Variants in UBAP2 observed in about 807,000 individuals in gnomAD.
UBAP2 encodes ubiquitin associated protein 2.
UBAP2 carries 75 observed loss-of-function variants against 139.6 expected under a neutral mutation model. The observed-to-expected ratio is 0.54, with a 90% CI of 0.45 to 0.65. The LOEUF is 0.65. UBAP2 is among the 30% of genes least tolerant of loss of function. The pLI is 0.00. For missense variants in UBAP2, 1,368 were observed against 1,369.6 expected (o/e 1.00, Z 0.02); for synonymous variants, 526 against 526.2 (o/e 1.00, Z 0.01).
intron 6 of UBAP2, among the ~76,000 whole-genome samples, chr9:33,983,166 C>T (rs535344425): frequency 1.3e-4 from 20 of 152,188 alleles, no homozygotes; most frequent in African/African-American, 4.8e-4. Context: ...ATGTGAGCCA[C>T]GGTGCCCGGC....
chr9:34,005,614 CAG>C (rs1161466065), intron 2 of UBAP2, among the ~76,000 whole-genome samples: 2 of 151,042 alleles, frequency 1.3e-5, no homozygotes, highest in African/African-American at 4.9e-5. Flanking sequence ...TCAAGAATAA[CAG>C]AGAATAAAAC....
At chr9:34,047,001 T>C (rs1490536503) in intron 1 of UBAP2, among the ~76,000 whole-genome samples, 1 of 151,982 alleles carries the variant, frequency 6.6e-6, no homozygotes, top group Non-Finnish European at 1.5e-5. Flanking sequence ...CCAGCCCACA[T>C]TTAAAGGGAG....
At position 33,924,188 on chromosome 9, in the gene UBAP2, T is replaced by C. The variant is rs755083012; in HGVS notation, c.2590+18A>G. On this transcript the variant is annotated intron_variant, in intron 23 of 28. Coordinates refer to ENST00000379238, the MANE Select transcript of UBAP2 (RefSeq NM_001370062.2). ...TAGGCCGGCCCCGGGCTACTCCTCA[T>C]CCATTGAGCAAACTCACCTGGATAT... The C allele has an allele frequency of 6.2e-7, 1 of 1,613,616 alleles. No individual in the cohort carries two copies. The highest frequency in any genetic ancestry group is 1.1e-5 in the South Asian group (1 of 91,072).
At position 33,942,585 on chromosome 9, in the gene UBAP2, C is replaced by T. The variant is rs1317722719; in HGVS notation, c.1716-723G>A. ...TCTACAAAACATATTTAAAAATTAG[C>T]TGGGCATGGTGGTGCACGCCTGTAA... On this transcript the variant is annotated intron_variant, in intron 15 of 28. Transcript: ENST00000379238. Among the ~76,000 whole-genome samples, 4 of 151,928 alleles carry T rather than the reference C, an allele frequency of 2.6e-5. No homozygotes were observed. In the East Asian group the frequency reaches 5.8e-4, roughly 22 times the overall value.
intron 8 of UBAP2, among the ~76,000 whole-genome samples, chr9:33,966,014 C>A (rs560254936): frequency 6.6e-6 from 1 of 151,494 alleles, no homozygotes; most frequent in Non-Finnish European, 1.5e-5. Context: ...CGTGCCACTG[C>A]GCTCCAGCCT....
At chr9:33,928,073 C>A in intron 19 of UBAP2, 81 bp from the exon 20 acceptor site, 1 of 1,449,242 alleles carries the variant, frequency 6.9e-7, no homozygotes, top group Non-Finnish European at 9.3e-7. Context: ...GGCGCTTGGG[C>A]CCAAGTCTCA....
rs1339945997 is a variant in UBAP2 at position 33,985,306 on chromosome 9, G to A, written c.520+1454C>T. Among the ~76,000 whole-genome samples the A allele has an allele frequency of 5.3e-5, 8 of 152,100 alleles. No individual in the cohort carries two copies. The East Asian group carries it at 7.7e-4, about 15-fold the overall frequency. On this transcript the variant is annotated intron_variant, in intron 6 of 28. Coordinates refer to ENST00000379238, the MANE Select transcript of UBAP2 (RefSeq NM_001370062.2). ...TCAAGTTGAGGTATTTAGGATATCC[G>A]TTACCATGAGCATTTATCATTTCTA...
intron 2 of UBAP2, among the ~76,000 whole-genome samples, chr9:33,999,293 G>T (rs535910740): frequency 8.7e-5 from 13 of 149,426 alleles, no homozygotes; most frequent in Admixed American, 6.1e-4. Context: ...AACATAGAGA[G>T]ACCCTGTCTC....
At chr9:34,005,852 T>C (rs570724332) in intron 2 of UBAP2, among the ~76,000 whole-genome samples, 82 of 152,216 alleles carry the variant, frequency 5.4e-4, no homozygotes, top group Non-Finnish European at 9.7e-4. Flanking sequence ...AATGCATAAA[T>C]ATGTCAATGA....
intron 13 of UBAP2, among the ~76,000 whole-genome samples, chr9:33,945,141 TAA>T (rs11380272): frequency 2.1e-5 from 3 of 143,386 alleles, no homozygotes. Context: ...ATCCAAAAAT[TAA>T]AAAAAAAAAA....
intron 4 of UBAP2, among the ~76,000 whole-genome samples, chr9:33,989,463 A>G (rs1036096579): frequency 2.0e-5 from 3 of 152,054 alleles, no homozygotes; most frequent in African/African-American, 7.2e-5. Flanking sequence ...GGCCTCCCAA[A>G]GTGCTGGGAT....
intron 1 of UBAP2, among the ~76,000 whole-genome samples, chr9:34,018,660 G>A (rs1374914895): frequency 2.0e-5 from 3 of 152,084 alleles, no homozygotes; most frequent in South Asian, 2.1e-4. Context: ...TCAGGAGATC[G>A]AGACCATCCT....
chr9:34,019,240 T>TA (rs1178917862), intron 1 of UBAP2, among the ~76,000 whole-genome samples: 3 of 151,854 alleles, frequency 2.0e-5, no homozygotes, highest in Non-Finnish European at 4.4e-5. Context: ...CCGTCTCTAC[T>TA]AAAAATACAA....
chr9:33,926,874 G>T, intron 21 of UBAP2, 115 bp downstream of exon 21: 1 of 1,104,138 alleles, frequency 9.1e-7, no homozygotes. Flanking sequence ...GGGGTGCTCA[G>T]GGATGGAAGG....
In UBAP2 at chr9:33,929,910, A is replaced by C. The variant is rs188899109; in HGVS notation, c.2176-1918T>G. 4.7e-3 allele frequency among the ~76,000 whole-genome samples: 717 copies of C among 152,340 alleles called. 2 individuals carry two copies. Among genetic ancestry groups the C allele is most frequent in the Middle Eastern group, 0.017 (5 of 294 alleles). On this transcript the variant is annotated intron_variant, in intron 19 of 28. Coordinates refer to ENST00000379238, the MANE Select transcript of UBAP2 (RefSeq NM_001370062.2). ...TCCCAGCTACTAGGGAGGCTGAGGCAGGAGAACTGCTTGAACCTGGGAGGT... is the reference window on the plus strand; with the variant it reads ...TCCCAGCTACTAGGGAGGCTGAGGCCGGAGAACTGCTTGAACCTGGGAGGT...
At chr9:34,043,990 C>T (rs575807761) in intron 1 of UBAP2, among the ~76,000 whole-genome samples, 2 of 149,194 alleles carry the variant, frequency 1.3e-5, no homozygotes, top group South Asian at 2.1e-4. Flanking sequence ...TATCAGAGCA[C>T]GGTGGCAGGC....
At chr9:34,044,342 A>C (rs1033126515) in intron 1 of UBAP2, among the ~76,000 whole-genome samples, 2 of 151,782 alleles carry the variant, frequency 1.3e-5, no homozygotes, top group Non-Finnish European at 2.9e-5. Flanking sequence ...CGGAGTTTGC[A>C]GTGAGCCGAG....
intron 1 of UBAP2, among the ~76,000 whole-genome samples, chr9:34,017,954 T>A (rs939545077): frequency 6.6e-6 from 1 of 152,006 alleles, no homozygotes; most frequent in African/African-American, 2.4e-5. Context: ...GTGCATATAA[T>A]TTTCTTTGAT....
intron 6 of UBAP2, among the ~76,000 whole-genome samples, chr9:33,986,145 T>C (rs1311926060): frequency 6.6e-6 from 1 of 151,346 alleles, no homozygotes; most frequent in Non-Finnish European, 1.5e-5. Flanking sequence ...CTCCACCTCT[T>C]GGGTCCAAGC....
Sources: gnomAD v4.1 joint callset for allele counts (sites outside exome capture counted in the v4.1 genomes callset) on GRCh38, gnomAD v4.1.1 for gene constraint, MANE v1.5 for transcripts, NCBI Gene and HGNC (gene_info 2026-07-23, HGNC 2026-07-21) for gene names.